The following CCDC14 variants were observed in gnomAD, a reference collection of about 807,000 sequenced individuals.
CCDC14 encodes the protein coiled-coil domain containing 14.
Under a neutral mutation model 81.4 loss-of-function variants are expected in CCDC14, and 71 were observed. The observed-to-expected ratio is 0.87, with a 90% CI of 0.72 to 1.06. The LOEUF (loss-of-function observed/expected upper bound fraction) is 1.06. Ranked by LOEUF, CCDC14 falls within the 50% of genes least tolerant of loss-of-function variation. The pLI is 0.00. For synonymous variants in CCDC14, 332 were observed against 364.8 expected, an observed-to-expected ratio of 0.91 and a Z score of 1.03; for missense variants, 1,046 against 1,047.3, an observed-to-expected ratio of 1.00 and a Z score of 0.02.
intron 5 of CCDC14, chr3:123,949,405 A>C: frequency 2.7e-6 from 1 of 376,374 alleles, no homozygotes; most frequent in Non-Finnish European, 4.4e-6. Context: ...TCTCTCCTTC[A>C]TTTTAACACT....
the CCDC14 span, among the ~76,000 whole-genome samples, chr3:123,888,234 G>C: frequency 6.6e-6 from 1 of 152,074 alleles, no homozygotes. Flanking sequence ...TCTTTCTGGA[G>C]GTTATTATGA....
rs1468515470 is a variant in CCDC14 at position 123,947,930 on chromosome 3, T to A, written c.685-611A>T. Among the ~76,000 whole-genome samples, 3 of 152,116 alleles carry A rather than the reference T, an allele frequency of 2.0e-5. No individual in the cohort carries two copies. The East Asian group carries it at 5.8e-4, about 29-fold the overall frequency. On this transcript the variant is annotated intron_variant, in intron 7 of 12. Coordinates refer to ENST00000409697, the MANE Select transcript of CCDC14 (RefSeq NM_001366335.1). ...TCCAAAAAATACAGTATTAACAAGT[T>A]ATTAAAAATTCAAAGGGTATATATT...
intron 5 of CCDC14, among the ~76,000 whole-genome samples, chr3:123,908,113 C>T (rs2034360361): frequency 6.6e-6 from 1 of 151,812 alleles, no homozygotes; most frequent in Non-Finnish European, 1.5e-5. Flanking sequence ...ATGGAGAGCA[C>T]CCATGATATT....
At chr3:123,905,874 A>G (rs1473644213) in intron 5 of CCDC14, among the ~76,000 whole-genome samples, 1 of 152,246 alleles carries the variant, frequency 6.6e-6, no homozygotes, top group Non-Finnish European at 1.5e-5. Flanking sequence ...AATACACATA[A>G]TAAACACATT....
intron 12 of CCDC14, among the ~76,000 whole-genome samples, chr3:123,916,331 A>T (rs1191688817): frequency 6.6e-6 from 1 of 152,074 alleles, no homozygotes; most frequent in Non-Finnish European, 1.5e-5. Context: ...CACTAGGTTC[A>T]TTCTTGAGCA....
Position 123,913,709 on chromosome 3 carries a change from CG to C in CCDC14, c.*1069del. 1.0e-6 allele frequency: 1 copy of C among 981,700 alleles called. No homozygotes were observed. Among genetic ancestry groups the C allele is most frequent in the Non-Finnish European group, 1.2e-6 (1 of 829,318 alleles). The allele number at this position is 981,700 out of a possible 1,614,324, so 60.8% of individuals were successfully genotyped here. On this transcript the variant is annotated 3_prime_UTR_variant, in exon 13 of 13. Coordinates refer to ENST00000409697, the MANE Select transcript of CCDC14 (RefSeq NM_001366335.1). Reference sequence around the variant, plus strand: ...AAAACCACCAAAAAAACAAAAAACACGAGGAGGTTCTGGGATTAGGAGAACA... The same window carrying C: ...AAAACCACCAAAAAAACAAAAAACACAGGAGGTTCTGGGATTAGGAGAACA...
intron 6 of CCDC14, 37 bp from the exon 7 acceptor site, chr3:123,948,822 C>T (rs1238779754): frequency 1.9e-6 from 3 of 1,578,426 alleles, no homozygotes; most frequent in Admixed American, 1.9e-5. Flanking sequence ...ATCACATATC[C>T]TACTTTTTAT....
chr3:123,941,272 C>T (rs1197981858), intron 9 of CCDC14, among the ~76,000 whole-genome samples: 1 of 151,890 alleles, frequency 6.6e-6, no homozygotes, highest in African/African-American at 2.4e-5. Flanking sequence ...TATCAGAAGA[C>T]ACATTAAAAA....
Position 123,915,172 on chromosome 3 carries a change from A to C in CCDC14, c.2325T>G (p.Asn775Lys), listed in dbSNP as rs1577218446. 9 of 1,613,792 alleles carry C rather than the reference A, an allele frequency of 5.6e-6. No individual in the cohort carries two copies. Among genetic ancestry groups the C allele is most frequent in the Non-Finnish European group, 6.8e-6 (8 of 1,179,812 alleles). Residue 775 changes from asparagine (N) to lysine (K), a missense_variant, in exon 13 of 13, where the codon AAT (asparagine) becomes AAG (lysine). Physicochemically the swap from Asn to Lys is moderately conservative, Grantham distance 94. Transcript: ENST00000409697. The part of the protein sequence containing the change: ...NSGLAVSGKE[N>K]KLCTPVICSS... Reference sequence around the variant, plus strand: ...AACAGATTACAGGTGTACACAGTTTATTTTCTTTTCCAGAGACAGCAAGTC... The same window carrying C: ...AACAGATTACAGGTGTACACAGTTTCTTTTCTTTTCCAGAGACAGCAAGTC...
chr3:123,934,447 G>T (rs1173669496), intron 9 of CCDC14, among the ~76,000 whole-genome samples: 1 of 151,528 alleles, frequency 6.6e-6, no homozygotes, highest in Non-Finnish European at 1.5e-5. Context: ...CTTTTTAAAA[G>T]ATTTGTCATT....
intron 5 of CCDC14, among the ~76,000 whole-genome samples, chr3:123,908,226 G>C (rs1274359484): frequency 6.6e-6 from 1 of 152,176 alleles, no homozygotes; most frequent in Non-Finnish European, 1.5e-5. Context: ...AAGCCACGTG[G>C]CTAGTTCCTT....
chr3:123,888,362 G>A, the CCDC14 span, among the ~76,000 whole-genome samples: 6 of 152,286 alleles, frequency 3.9e-5, no homozygotes, highest in African/African-American at 1.4e-4. Flanking sequence ...GGTCCAGACA[G>A]TTTTTCAAAC....
At chr3:123,886,688 G>A in the CCDC14 span, among the ~76,000 whole-genome samples, 6 of 152,022 alleles carry the variant, frequency 3.9e-5, no homozygotes, top group African/African-American at 7.2e-5. Flanking sequence ...GAGCCACCCC[G>A]CCTGGCCAGA....
Position 123,947,161 on chromosome 3 carries a change from C to T in CCDC14, c.843G>A (p.Leu281=). Residue 281 remains leucine (L), a synonymous_variant, in exon 8 of 13, where the codon CTG becomes CTA. Coordinates refer to ENST00000409697, the MANE Select transcript of CCDC14 (RefSeq NM_001366335.1). ...GTGGCAGAATTCCATTAACAAGGCC[C>T]AGTTGCTGCAATGTTGGAATAGCTG... ...DISAIPTLQQ[L]GLVNGILPQQ... is the part of the protein sequence containing the mutation. 3 of 1,613,880 alleles carry T rather than the reference C, an allele frequency of 1.9e-6. No homozygotes were observed. Among genetic ancestry groups the T allele is most frequent in the Non-Finnish European group, 2.5e-6 (3 of 1,179,858 alleles).
downstream of CCDC14, among the ~76,000 whole-genome samples, chr3:123,909,816 C>T (rs2034402327): frequency 6.6e-6 from 1 of 152,026 alleles, no homozygotes; most frequent in African/African-American, 2.4e-5. Flanking sequence ...GATTTGGAGC[C>T]CTAAAGTTTC....
chr3:123,885,427 TTTTG>T, the CCDC14 span, among the ~76,000 whole-genome samples: 1 of 151,708 alleles, frequency 6.6e-6, no homozygotes, highest in African/African-American at 2.4e-5. Context: ...CTTCTGCTGC[TTTTG>T]TTTTTCTTGG....
chr3:123,937,601 C>T (rs1252138540), intron 9 of CCDC14, among the ~76,000 whole-genome samples: 1 of 151,936 alleles, frequency 6.6e-6, no homozygotes, highest in African/African-American at 2.4e-5. Context: ...AATATTTTCT[C>T]TCAGTCTGTT....
chr3:123,915,343 A>T lies in CCDC14; in HGVS notation c.2154T>A (p.Ala718=). 5.0e-6 allele frequency: 8 copies of T among 1,613,936 alleles called. No homozygotes were observed. Among genetic ancestry groups the T allele is most frequent in the Non-Finnish European group, 5.9e-6 (7 of 1,179,886 alleles). ...QDSDEGSETM[A]LIEDEHNLDN... The stretch of plus-strand genomic sequence containing the variant: ...CCAAATTATGCTCATCTTCTATTAA[A>T]GCCATAGTTTCACTCCCTTCATCAG... Residue 718 remains alanine (A), a synonymous_variant, in exon 13 of 13, where the codon GCT becomes GCA. Transcript: ENST00000409697.
rs78037559 is a variant in CCDC14 at position 123,930,506 on chromosome 3, A to G, written c.1778+596T>C. Among the ~76,000 whole-genome samples the G allele has an allele frequency of 2.1e-3, 326 of 152,336 alleles. 1 individual carries two copies. Among genetic ancestry groups the G allele is most frequent in the African/African-American group, 7.5e-3 (310 of 41,580 alleles). On this transcript the variant is annotated intron_variant, in intron 12 of 12. Coordinates refer to ENST00000409697, the MANE Select transcript of CCDC14 (RefSeq NM_001366335.1). ...AAAGAAAACTGAATTTTGTAAGTGAATATCATAGAAAAATTGAGTGAGGTA... is the reference window on the plus strand; with the variant it reads ...AAAGAAAACTGAATTTTGTAAGTGAGTATCATAGAAAAATTGAGTGAGGTA...
Sources: gnomAD v4.1 joint callset for allele counts (sites outside exome capture counted in the v4.1 genomes callset) on GRCh38, gnomAD v4.1.1 for gene constraint, MANE v1.5 for transcripts, NCBI Gene and HGNC (gene_info 2026-07-23, HGNC 2026-07-21) for gene names.